Variants in CNTNAP2 observed in about 807,000 individuals in gnomAD.
The protein encoded by CNTNAP2 is contactin associated protein 2.
A neutral mutation model predicts 155.2 loss-of-function variants in CNTNAP2; 98 were observed. The ratio of observed to expected loss-of-function variants is 0.63; its 90% CI spans 0.54 to 0.75. The LOEUF is 0.75. Among genes scored for constraint, CNTNAP2 ranks in the 30% least tolerant of loss-of-function variants. The pLI is 0.00. For synonymous variants in CNTNAP2, 651 were observed against 631.2 expected, an observed-to-expected ratio of 1.03 and a Z score of -0.47; for missense variants, 1,727 against 1,688.1, an observed-to-expected ratio of 1.02 and a Z score of -0.40.
chr7:146,888,523 T>C (rs1446558085), intron 3 of CNTNAP2, among the ~76,000 whole-genome samples: 1 of 152,188 alleles, frequency 6.6e-6, no homozygotes, highest in Non-Finnish European at 1.5e-5. Context: ...CTTTCCTTTT[T>C]AGTTATCATT....
In CNTNAP2 at chr7:147,484,348, G is replaced by A. The variant is rs189777640; in HGVS notation, c.1671-1587G>A. Among the ~76,000 whole-genome samples the A allele has an allele frequency of 1.6e-4, 24 of 152,148 alleles. No homozygotes were observed. In the East Asian group the frequency reaches 4.3e-3, roughly 27 times the overall value. On this transcript the variant is annotated intron_variant, in intron 10 of 23. Coordinates refer to ENST00000361727, the MANE Select transcript of CNTNAP2 (RefSeq NM_014141.6). The stretch of plus-strand genomic sequence containing the variant: ...TCTTGTAGTCCTGTCCATTCATTGA[G>A]TCTCAACCTAAAAGCTTTTAATTGT...
intron 13 of CNTNAP2, among the ~76,000 whole-genome samples, chr7:147,717,782 G>A (rs559541252): frequency 1.9e-4 from 29 of 152,088 alleles, no homozygotes; most frequent in Non-Finnish European, 4.0e-4. Context: ...AGCTGCTCAA[G>A]AGGCGGAGGT....
intron 1 of CNTNAP2, among the ~76,000 whole-genome samples, chr7:146,198,176 C>A (rs7781244): frequency 0.033 from 5,042 of 152,180 alleles, 282 homozygotes; most frequent in African/African-American, 0.12. Flanking sequence ...GGCACACAGG[C>A]AAATCATATC....
intron 12 of CNTNAP2, among the ~76,000 whole-genome samples, chr7:147,606,654 T>G (rs544186244): frequency 6.6e-6 from 1 of 152,340 alleles, no homozygotes; most frequent in African/African-American, 2.4e-5. Context: ...CATAGGGACC[T>G]TAACAGAGTA....
chr7:146,945,339 AAC>A (rs1797141580), intron 3 of CNTNAP2, among the ~76,000 whole-genome samples: 1 of 152,192 alleles, frequency 6.6e-6, no homozygotes, highest in African/African-American at 2.4e-5. Context: ...TGATTTTTGT[AAC>A]AGATTCTGAG....
intron 11 of CNTNAP2, among the ~76,000 whole-genome samples, chr7:147,502,763 CA>C: frequency 7.2e-6 from 1 of 138,534 alleles, no homozygotes; most frequent in Non-Finnish European, 1.7e-5. Context: ...ATATATAAAA[CA>C]AATCATCATG....
intron 13 of CNTNAP2, among the ~76,000 whole-genome samples, chr7:147,879,444 A>G (rs887388047): frequency 6.6e-6 from 1 of 151,276 alleles, no homozygotes; most frequent in Non-Finnish European, 1.5e-5. Flanking sequence ...CAGCTTACTA[A>G]TTCTGGAGAA....
At chr7:146,328,278 A>C (rs887927498) in intron 1 of CNTNAP2, among the ~76,000 whole-genome samples, 9 of 152,296 alleles carry the variant, frequency 5.9e-5, no homozygotes, top group Non-Finnish European at 8.8e-5. Context: ...ATCCTAAAAC[A>C]TCCCCTCCTG....
intron 21 of CNTNAP2, among the ~76,000 whole-genome samples, chr7:148,371,966 C>T (rs1388755078): frequency 2.0e-5 from 3 of 151,832 alleles, no homozygotes; most frequent in Non-Finnish European, 4.4e-5. Context: ...TTTGGGAGGC[C>T]GAGGCAGGCG....
intron 1 of CNTNAP2, among the ~76,000 whole-genome samples, chr7:146,727,888 T>C (rs1801458449): frequency 6.6e-6 from 1 of 152,188 alleles, no homozygotes; most frequent in Non-Finnish European, 1.5e-5. Context: ...TAGATGTCCA[T>C]TGAAGTACTA....
intron 1 of CNTNAP2, among the ~76,000 whole-genome samples, chr7:146,432,465 AT>A (rs1319192222): frequency 6.6e-6 from 1 of 152,120 alleles, no homozygotes; most frequent in Non-Finnish European, 1.5e-5. Context: ...ATAAATTCTC[AT>A]TATGAAACTC....
At chr7:146,694,232 T>C (rs1305676456) in intron 1 of CNTNAP2, among the ~76,000 whole-genome samples, 1 of 152,206 alleles carries the variant, frequency 6.6e-6, no homozygotes, top group Non-Finnish European at 1.5e-5. Context: ...GACAAAGGGC[T>C]AAATAGAAAA....
chr7:147,322,076 A>C (rs542488170), intron 9 of CNTNAP2, among the ~76,000 whole-genome samples: 1 of 152,308 alleles, frequency 6.6e-6, no homozygotes. Context: ...AAATATCCCA[A>C]ATGGCAATTT....
At chr7:147,906,430 A>T (rs1235990815) in intron 14 of CNTNAP2, among the ~76,000 whole-genome samples, 2 of 151,640 alleles carry the variant, frequency 1.3e-5, no homozygotes, top group Non-Finnish European at 2.9e-5. Flanking sequence ...AGCCTCCCAC[A>T]GTGCTAGGAT....
chr7:146,402,015 A>C (rs1446451442), intron 1 of CNTNAP2, among the ~76,000 whole-genome samples: 3 of 152,186 alleles, frequency 2.0e-5, no homozygotes, highest in Non-Finnish European at 2.9e-5. Context: ...ATTTTCAACT[A>C]AGGGCATGAA....
chr7:148,078,547 C>A (rs1803539480), intron 15 of CNTNAP2, among the ~76,000 whole-genome samples: 1 of 152,062 alleles, frequency 6.6e-6, no homozygotes, highest in Non-Finnish European at 1.5e-5. Flanking sequence ...ATGGTGCCAT[C>A]TCGGCTCACT....
At chr7:147,858,482 C>G (rs931325718) in intron 13 of CNTNAP2, among the ~76,000 whole-genome samples, 2 of 152,208 alleles carry the variant, frequency 1.3e-5, no homozygotes, top group Non-Finnish European at 2.9e-5. Flanking sequence ...AAGAAGAAAA[C>G]TGAATGTTAT....
At chr7:146,720,964 AG>A in intron 1 of CNTNAP2, among the ~76,000 whole-genome samples, 1 of 110,140 alleles carries the variant, frequency 9.1e-6, no homozygotes, top group East Asian at 2.4e-4. Flanking sequence ...ATATATATAC[AG>A]TATATATATA....
intron 1 of CNTNAP2, among the ~76,000 whole-genome samples, chr7:146,258,932 C>A (rs890126658): frequency 6.6e-6 from 1 of 152,104 alleles, no homozygotes; most frequent in Non-Finnish European, 1.5e-5. Context: ...TGTGTCCCTA[C>A]CCAAGTCTCA....
Sources: allele counts gnomAD v4.1 joint callset (sites outside exome capture counted in the v4.1 genomes callset), GRCh38; gene constraint gnomAD v4.1.1; transcripts MANE v1.5; gene names NCBI Gene and HGNC (gene_info 2026-07-23, HGNC 2026-07-21).